Variants in WDR59 observed in about 807,000 individuals in gnomAD.
WDR59 encodes GATOR2 complex protein WDR59.
Under a neutral mutation model 131.2 loss-of-function variants are expected in WDR59, and 100 were observed. That is an observed-to-expected ratio of 0.76 (90% CI 0.65 to 0.90). The LOEUF (loss-of-function observed/expected upper bound fraction) is 0.90, where lower values mean the gene tolerates loss of function less well. Ranked by LOEUF, WDR59 falls within the 40% of genes least tolerant of loss-of-function variation. The pLI is 0.00. For synonymous variants in WDR59, 601 were observed against 466.2 expected, an observed-to-expected ratio of 1.29 and a Z score of -3.72; for missense variants, 1,203 against 1,262.2, an observed-to-expected ratio of 0.95 and a Z score of 0.71.
At position 74,951,373 on chromosome 16, in the gene WDR59, G is replaced by A. The variant is rs1005946459; in HGVS notation, c.326+85C>T. On this transcript the variant is annotated intron_variant, in intron 4 of 25. Coordinates refer to ENST00000262144, the MANE Select transcript of WDR59 (RefSeq NM_030581.4). Reference sequence around the variant, plus strand: ...TGTGCAACACAGACAGTCAAGCCATGCAAGGAGGACGGCATCATCATTTCG... The same window carrying A: ...TGTGCAACACAGACAGTCAAGCCATACAAGGAGGACGGCATCATCATTTCG... 12 of 1,329,298 alleles carry A rather than the reference G, an allele frequency of 9.0e-6. No homozygotes were observed. The Admixed American group carries it at 2.2e-4, about 24-fold the overall frequency. The allele number at this position is 1,329,298 out of a possible 1,614,324, so 82.3% of individuals were successfully genotyped here.
At chr16:74,966,397 T>C (rs1333921661) in intron 1 of WDR59, among the ~76,000 whole-genome samples, 3 of 151,982 alleles carry the variant, frequency 2.0e-5, no homozygotes, top group Non-Finnish European at 2.9e-5. Context: ...GGAGAATCGC[T>C]TGAACGTGGG....
intron 7 of WDR59, among the ~76,000 whole-genome samples, chr16:74,939,412 A>C (rs2032051079): frequency 6.6e-6 from 1 of 152,164 alleles, no homozygotes. Flanking sequence ...TGCGACACCA[A>C]ATGATGATAC....
chr16:74,981,629 TATATATATATATATATATATATATATA>T (rs1567450511), intron 1 of WDR59, among the ~76,000 whole-genome samples: 2 of 2,648 alleles, frequency 7.6e-4, no homozygotes, highest in Non-Finnish European at 1.2e-3. Flanking sequence ...TATATATATA[TATATATATATATATATATATATATATA>T]TATATTTTTT....
chr16:74,947,829 G>A (rs1289201481), intron 6 of WDR59, among the ~76,000 whole-genome samples: 2 of 152,130 alleles, frequency 1.3e-5, no homozygotes, highest in Non-Finnish European at 2.9e-5. Context: ...CCAGCACTTC[G>A]GGAGGCCAAG....
Position 74,871,509 on chromosome 16 carries a change from T to G in WDR59, c.*2700A>C, listed in dbSNP as rs1964011999. On this transcript the variant is annotated 3_prime_UTR_variant, in exon 26 of 26. Coordinates refer to ENST00000262144, the MANE Select transcript of WDR59 (RefSeq NM_030581.4). ...GGAAATTCAAAAGGAATTTCCGTAT[T>G]GAAGGATGACATTATGTAATATTTT... 6.6e-6 allele frequency: 1 copy of G among 152,254 alleles called. No individual in the cohort carries two copies. Among genetic ancestry groups the G allele is most frequent in the Non-Finnish European group, 1.5e-5 (1 of 68,046 alleles). 9.4% of individuals were successfully genotyped at this position (152,254 alleles called of 1,614,324 possible). A position where few individuals can be genotyped will look rare whatever the true frequency, so the allele number is the denominator to read the frequency against.
chr16:74,917,705 A>G (rs1421860712), intron 11 of WDR59, among the ~76,000 whole-genome samples: 1 of 149,196 alleles, frequency 6.7e-6, no homozygotes, highest in Admixed American at 6.8e-5. Flanking sequence ...GCTACTCAGG[A>G]GGCTGACGCA....
chr16:74,931,686 G>C (rs1267280886), intron 8 of WDR59, among the ~76,000 whole-genome samples: 1 of 151,864 alleles, frequency 6.6e-6, no homozygotes, highest in African/African-American at 2.4e-5. Context: ...ACAGCCTGGT[G>C]AACATGGGGA....
At position 74,886,192 on chromosome 16, in the gene WDR59, T is replaced by G. The variant is rs9936830; in HGVS notation, c.2546+78A>C. 300 of 1,220,672 alleles carry G rather than the reference T, an allele frequency of 2.5e-4. 11 individuals carry two copies. The African/African-American group carries it at 4.4e-3, about 18-fold the overall frequency. The allele number at this position is 1,220,672 out of a possible 1,614,324, so 75.6% of individuals were successfully genotyped here. On this transcript the variant is annotated intron_variant, in intron 24 of 25. Transcript: ENST00000262144. ...ATTCTGTGTCCAAAAAAAAAAAAAG[T>G]AAGAGTTGTGATTGTGGAGAAACTG... is the stretch of plus-strand genomic sequence containing the variant.
intron 10 of WDR59, among the ~76,000 whole-genome samples, chr16:74,919,305 A>C (rs1407151005): frequency 2.7e-5 from 4 of 150,162 alleles, no homozygotes; most frequent in African/African-American, 9.8e-5. Flanking sequence ...TCTCTCCTCA[A>C]TTTGCTCTTG....
intron 1 of WDR59, among the ~76,000 whole-genome samples, chr16:74,975,315 C>T (rs1372882926): frequency 3.3e-5 from 5 of 151,990 alleles, no homozygotes; most frequent in Non-Finnish European, 5.9e-5. Flanking sequence ...GAGCCTATAT[C>T]GCGCCACTGC....
At chr16:74,950,894 G>A (rs969306779) in intron 4 of WDR59, among the ~76,000 whole-genome samples, 7 of 151,286 alleles carry the variant, frequency 4.6e-5, no homozygotes, top group Admixed American at 2.0e-4. Flanking sequence ...AGTGGTTCAC[G>A]CCTGTAATCC....
At chr16:74,896,810 T>A (rs1021996534) in intron 18 of WDR59, among the ~76,000 whole-genome samples, 2 of 152,136 alleles carry the variant, frequency 1.3e-5, no homozygotes, top group East Asian at 1.9e-4. Context: ...ACTTACAGTA[T>A]CAGCTCCTGC....
At chr16:74,980,775 C>T (rs1338316894) in intron 1 of WDR59, among the ~76,000 whole-genome samples, 2 of 151,140 alleles carry the variant, frequency 1.3e-5, no homozygotes, top group Non-Finnish European at 2.9e-5. Context: ...AGTTCAAGAC[C>T]AGCCTGGCCA....
intron 14 of WDR59, 123 bp downstream of exon 14, chr16:74,912,075 C>T (rs1966120888): frequency 1.5e-6 from 2 of 1,311,798 alleles, no homozygotes; most frequent in Non-Finnish European, 2.2e-6. Context: ...GTTGCTAATA[C>T]TAGTGTGTGT....
At position 74,981,648 on chromosome 16, in the gene WDR59, ATATATATATATAT is replaced by A. The variant is rs1221575264; in HGVS notation, c.54+3303_54+3315del. On this transcript the variant is annotated intron_variant, in intron 1 of 25. Coordinates refer to ENST00000262144, the MANE Select transcript of WDR59 (RefSeq NM_030581.4). The stretch of plus-strand genomic sequence containing the variant: ...TATATATATATATATATATATATAT[ATATATATATATAT>A]TTTTTTTTTTTTTAGATGGAGTCTC... 2.8e-3 allele frequency among the ~76,000 whole-genome samples: 9 copies of A among 3,216 alleles called. 1 individual carries two copies. The highest frequency in any genetic ancestry group is 4.2e-3 in the African/African-American group (8 of 1,910). The allele number at this position is 3,216 out of a possible 152,430, so 2.1% of individuals were successfully genotyped here.
intron 2 of WDR59, among the ~76,000 whole-genome samples, chr16:74,958,620 A>AAAAAAAC (rs1199806175): frequency 7.1e-6 from 1 of 141,050 alleles, no homozygotes; most frequent in Non-Finnish European, 1.5e-5. Flanking sequence ...AAAAAAAAAA[A>AAAAAAAC]CAAGCTAAAT....
At chr16:74,969,868 C>T (rs75553537) in intron 1 of WDR59, among the ~76,000 whole-genome samples, 6,971 of 152,046 alleles carry the variant, frequency 0.046, 244 homozygotes, top group East Asian at 0.17. Flanking sequence ...CTCACTGCAG[C>T]CTCAAACTCC....
chr16:74,978,850 G>C (rs897577679), intron 1 of WDR59, among the ~76,000 whole-genome samples: 1 of 152,078 alleles, frequency 6.6e-6, no homozygotes. Context: ...AGCTGCTTTG[G>C]ACATACAGAG....
intron 1 of WDR59, chr16:74,984,454 A>C: frequency 5.7e-6 from 1 of 174,632 alleles, no homozygotes; most frequent in South Asian, 1.2e-4. Context: ...ACTCCTATCC[A>C]CTACACGGTA....
Sources: gnomAD v4.1 joint callset for allele counts (sites outside exome capture counted in the v4.1 genomes callset) on GRCh38, gnomAD v4.1.1 for gene constraint, MANE v1.5 for transcripts, NCBI Gene and HGNC (gene_info 2026-07-23, HGNC 2026-07-21) for gene names.